Variants in TMEM229B observed in about 807,000 individuals in gnomAD.
TMEM229B encodes chromosome 14 open reading frame 83.
A neutral mutation model predicts 13.7 loss-of-function variants in TMEM229B; 6 were observed. That is an observed-to-expected ratio of 0.44 (90% CI 0.24 to 0.86). The LOEUF (loss-of-function observed/expected upper bound fraction) is 0.86, where lower values mean the gene tolerates loss of function less well. Ranked by LOEUF, TMEM229B falls within the 40% of genes least tolerant of loss-of-function variation. The pLI is 0.23. For missense variants in TMEM229B, 170 were observed against 236.0 expected (o/e 0.72, Z 1.83); for synonymous variants, 107 against 102.1 (o/e 1.05, Z -0.29).
rs1316894798 is a variant in TMEM229B at position 67,471,244 on chromosome 14, G to A, written c.*2176C>T. ...GGCAACTTCTGGAGCAGCAAGACCTGGTGGGCCAATCAAGGATTTGCTCTG... is the reference window on the plus strand; with the variant it reads ...GGCAACTTCTGGAGCAGCAAGACCTAGTGGGCCAATCAAGGATTTGCTCTG... On this transcript the variant is annotated 3_prime_UTR_variant, in exon 3 of 3. Transcript: ENST00000554480. 3 of 152,276 alleles carry A rather than the reference G, an allele frequency of 2.0e-5. No homozygotes were observed. 9.4% of individuals were successfully genotyped at this position (152,276 alleles called of 1,614,324 possible).
intron 1 of TMEM229B, among the ~76,000 whole-genome samples, chr14:67,531,356 G>A (rs959032646): frequency 6.6e-6 from 1 of 152,104 alleles, no homozygotes; most frequent in Admixed American, 6.5e-5. Context: ...AGACATAACT[G>A]AAACTCAAGC....
Position 67,473,981 on chromosome 14 carries a change from G to T in TMEM229B, c.-18-40C>A. 21 of 1,518,444 alleles carry T rather than the reference G, an allele frequency of 1.4e-5. No homozygotes were observed. The highest frequency in any genetic ancestry group is 1.9e-5 in the Non-Finnish European group (21 of 1,134,242). 94.1% of individuals were successfully genotyped at this position (1,518,444 alleles called of 1,614,324 possible). On this transcript the variant is annotated intron_variant, in intron 2 of 2. Coordinates refer to ENST00000554480, the MANE Select transcript of TMEM229B (RefSeq NM_001348543.2). This position sits in a 1 kb window ranked among gnomAD's most constrained non-coding sequence, Gnocchi z 6.5. ...AGAGAGACAGGTGAGGGCCGGGCGC[G>T]GTGGCTCACGCCTATAATCCCTGCG...
intron 1 of TMEM229B, among the ~76,000 whole-genome samples, chr14:67,532,132 G>A (rs2033479438): frequency 6.6e-6 from 1 of 152,096 alleles, no homozygotes; most frequent in Non-Finnish European, 1.5e-5. Flanking sequence ...AAATTCTCAC[G>A]TTTGGCCTCC....
upstream of TMEM229B, among the ~76,000 whole-genome samples, chr14:67,489,991 A>T (rs2032098487): frequency 2.8e-5 from 1 of 35,870 alleles, no homozygotes; most frequent in Admixed American, 2.5e-4. Flanking sequence ...CTCCGTCTCA[A>T]AAAAAAAAAA....
intron 1 of TMEM229B, among the ~76,000 whole-genome samples, chr14:67,531,151 G>T (rs574267502): frequency 1.3e-5 from 2 of 152,242 alleles, no homozygotes; most frequent in South Asian, 4.2e-4. Flanking sequence ...GGGTGATGGT[G>T]GGTATTATAG....
At chr14:67,488,452 TC>T in intron 1 of TMEM229B, 55 bp downstream of exon 1, 1 of 152,490 alleles carries the variant, frequency 6.6e-6, no homozygotes, top group Non-Finnish European at 1.5e-5. Flanking sequence ...TGCCTCCCCC[TC>T]CCCAGCTCCT....
intron 2 of TMEM229B, among the ~76,000 whole-genome samples, chr14:67,486,384 C>T (rs1489995974): frequency 6.6e-6 from 1 of 152,250 alleles, no homozygotes; most frequent in Non-Finnish European, 1.5e-5. Context: ...AAGCGATTCT[C>T]CTGCCTCAGC....
intron 1 of TMEM229B, among the ~76,000 whole-genome samples, chr14:67,526,914 C>T (rs185250641): frequency 3.5e-3 from 530 of 152,228 alleles, no homozygotes; most frequent in Non-Finnish European, 6.0e-3. Context: ...CCTGACACAC[C>T]ATCGAAAACC....
rs1013341867 is a variant in TMEM229B at position 67,471,668 on chromosome 14, G to A, written c.*1752C>T. 2 of 152,202 alleles carry A rather than the reference G, an allele frequency of 1.3e-5. No individual in the cohort carries two copies. Among genetic ancestry groups the A allele is most frequent in the Non-Finnish European group, 2.9e-5 (2 of 68,072 alleles). The allele number at this position is 152,202 out of a possible 1,614,324, so 9.4% of individuals were successfully genotyped here. A position where few individuals can be genotyped will look rare whatever the true frequency, so the allele number is the denominator to read the frequency against. Reference sequence around the variant, plus strand: ...AAATACCCTTCGTTCTGCTCTGGACGGGGCTAACTGCAGAAAATCCTGCCA... The same window carrying A: ...AAATACCCTTCGTTCTGCTCTGGACAGGGCTAACTGCAGAAAATCCTGCCA... On this transcript the variant is annotated 3_prime_UTR_variant, in exon 3 of 3. Coordinates refer to ENST00000554480, the MANE Select transcript of TMEM229B (RefSeq NM_001348543.2).
intron 1 of TMEM229B, among the ~76,000 whole-genome samples, chr14:67,526,821 A>C (rs1427676419): frequency 6.6e-6 from 1 of 152,104 alleles, no homozygotes; most frequent in Non-Finnish European, 1.5e-5. Flanking sequence ...CAGGGCTTCC[A>C]TACTGAGGGC....
At chr14:67,522,812 C>G (rs2140273172) in intron 1 of TMEM229B, among the ~76,000 whole-genome samples, 1 of 152,258 alleles carries the variant, frequency 6.6e-6, no homozygotes, top group East Asian at 1.9e-4. Context: ...GGGGCAAACC[C>G]CATCTCTATT....
At chr14:67,530,876 C>T (rs1467433918) in intron 1 of TMEM229B, among the ~76,000 whole-genome samples, 3 of 152,164 alleles carry the variant, frequency 2.0e-5, no homozygotes, top group Non-Finnish European at 4.4e-5. Flanking sequence ...ATCCCACCTG[C>T]AGGAGATTAC....
chr14:67,495,248 A>G (rs1040056764), intron 1 of TMEM229B, among the ~76,000 whole-genome samples: 1 of 151,426 alleles, frequency 6.6e-6, no homozygotes, highest in African/African-American at 2.4e-5. Context: ...TCCTGGAAAC[A>G]TTTCCTCTTC....
At chr14:67,519,753 C>G (rs1456666751), upstream of TMEM229B, among the ~76,000 whole-genome samples, 1 of 149,354 alleles carries the variant, frequency 6.7e-6, no homozygotes, top group Admixed American at 6.7e-5. Context: ...GACAGGTTCT[C>G]GTTCTGTTGC....
At chr14:67,477,679 C>A (rs760873179) in intron 2 of TMEM229B, among the ~76,000 whole-genome samples, 1 of 152,180 alleles carries the variant, frequency 6.6e-6, no homozygotes, top group Non-Finnish European at 1.5e-5. Flanking sequence ...AATCCTAGCA[C>A]TTTGGGAGGC....
At chr14:67,517,055 G>T (rs922312623), upstream of TMEM229B, among the ~76,000 whole-genome samples, 9 of 152,218 alleles carry the variant, frequency 5.9e-5, no homozygotes, top group African/African-American at 1.7e-4. Flanking sequence ...GCTGGAGATA[G>T]GTCAGGGAAA....
intron 1 of TMEM229B, among the ~76,000 whole-genome samples, chr14:67,532,304 T>A (rs1451224241): frequency 6.6e-6 from 1 of 152,148 alleles, no homozygotes; most frequent in African/African-American, 2.4e-5. Flanking sequence ...CAGGCGCTGA[T>A]GGTATTTTGC....
intron 2 of TMEM229B, 75 bp from the exon 3 acceptor site, chr14:67,474,016 G>A: frequency 7.0e-7 from 1 of 1,426,648 alleles, no homozygotes; most frequent in Non-Finnish European, 9.2e-7. Flanking sequence ...GCTTTGGGAG[G>A]CCGAGGCGGC....
chr14:67,495,048 T>C (rs988957244), intron 1 of TMEM229B, among the ~76,000 whole-genome samples: 1 of 152,178 alleles, frequency 6.6e-6, no homozygotes, highest in African/African-American at 2.4e-5. Flanking sequence ...TCTGGCAACT[T>C]TTCTGTACAT....
Sources: gnomAD v4.1 joint callset for allele counts (sites outside exome capture counted in the v4.1 genomes callset) on GRCh38, gnomAD v4.1.1 for gene constraint, Gnocchi (gnomAD v3.1) non-coding constraint, MANE v1.5 for transcripts, NCBI Gene and HGNC (gene_info 2026-07-23, HGNC 2026-07-21) for gene names.